Variants in STIM2 observed in about 807,000 individuals in gnomAD.
STIM2 encodes the protein stromal interaction molecule 2.
A neutral mutation model predicts 85.8 loss-of-function variants in STIM2; 31 were observed. The observed-to-expected ratio is 0.36, with a 90% CI of 0.27 to 0.49. The LOEUF (loss-of-function observed/expected upper bound fraction) is 0.49. Among genes scored for constraint, STIM2 ranks in the 20% least tolerant of loss-of-function variants. The pLI, the probability that STIM2 is intolerant of heterozygous loss-of-function variation, is 0.98. For missense variants in STIM2, 841 were observed against 927.6 expected, an observed-to-expected ratio of 0.91 and a Z score of 1.21; for synonymous variants, 356 against 331.1, an observed-to-expected ratio of 1.08 and a Z score of -0.82.
At chr4:26,863,891 A>G (rs1306834027) in intron 1 of STIM2, among the ~76,000 whole-genome samples, 1 of 152,078 alleles carries the variant, frequency 6.6e-6, no homozygotes, top group Non-Finnish European at 1.5e-5. Context: ...TCTTCTCGAG[A>G]TTGGCATTTT....
chr4:26,872,643 T>C (rs1722667748), intron 1 of STIM2, among the ~76,000 whole-genome samples: 1 of 152,214 alleles, frequency 6.6e-6, no homozygotes, highest in South Asian at 2.1e-4. Flanking sequence ...ATGCCAAGTA[T>C]ATTACAAGCA....
intron 1 of STIM2, among the ~76,000 whole-genome samples, chr4:26,894,933 C>T (rs912090035): frequency 2.6e-5 from 4 of 152,184 alleles, no homozygotes; most frequent in South Asian, 2.1e-4. Flanking sequence ...TATTTCTGGC[C>T]GGGTGCGGTG....
chr4:26,871,171 G>T (rs1364886005), intron 1 of STIM2, among the ~76,000 whole-genome samples: 2 of 152,100 alleles, frequency 1.3e-5, no homozygotes, highest in African/African-American at 4.8e-5. Flanking sequence ...CAGGCATTTT[G>T]TATGTTTCAT....
At chr4:26,902,936 T>C (rs1024091836) in intron 1 of STIM2, among the ~76,000 whole-genome samples, 1 of 152,154 alleles carries the variant, frequency 6.6e-6, no homozygotes, top group Admixed American at 6.6e-5. Flanking sequence ...TAATCATTCA[T>C]AAATTTAGTT....
chr4:26,928,954 A>G (rs1725098024), intron 2 of STIM2, among the ~76,000 whole-genome samples: 1 of 152,200 alleles, frequency 6.6e-6, no homozygotes, highest in Non-Finnish European at 1.5e-5. Context: ...ACATGCCTTT[A>G]TATTTTACTA....
At chr4:26,968,013 T>G (rs1381545442) in intron 3 of STIM2, among the ~76,000 whole-genome samples, 4 of 151,948 alleles carry the variant, frequency 2.6e-5, no homozygotes, top group African/African-American at 9.7e-5. Context: ...CAACAAAAAA[T>G]GAAAAAAATT....
At chr4:26,871,608 TG>T (rs1317043759) in intron 1 of STIM2, among the ~76,000 whole-genome samples, 1 of 152,234 alleles carries the variant, frequency 6.6e-6, no homozygotes, top group African/African-American at 2.4e-5. Context: ...GTTTGTGCTT[TG>T]TTTTCATAAA....
At chr4:27,003,230 C>G (rs1577491065) in intron 7 of STIM2, 126 bp downstream of exon 7, 2 of 870,864 alleles carry the variant, frequency 2.3e-6, no homozygotes, top group East Asian at 6.4e-5. Context: ...ATAAAAGACT[C>G]ATTTGTTTAT....
At chr4:26,968,368 G>A (rs930986594) in intron 3 of STIM2, among the ~76,000 whole-genome samples, 3 of 152,064 alleles carry the variant, frequency 2.0e-5, no homozygotes, top group Non-Finnish European at 2.9e-5. Context: ...TCTGACATAC[G>A]CACAACATGG....
At chr4:26,933,927 C>A (rs1200061182) in intron 2 of STIM2, among the ~76,000 whole-genome samples, 1 of 152,126 alleles carries the variant, frequency 6.6e-6, no homozygotes, top group Non-Finnish European at 1.5e-5. Context: ...GGTGCATTGG[C>A]TCACGCCTGT....
chr4:26,927,859 T>TTATATAATA (rs1725028541), intron 2 of STIM2, among the ~76,000 whole-genome samples: 1 of 134,976 alleles, frequency 7.4e-6, no homozygotes, highest in Non-Finnish European at 1.5e-5. Flanking sequence ...AATATATAAT[T>TTATATAATA]ATTATATAAA....
intron 3 of STIM2, among the ~76,000 whole-genome samples, chr4:26,991,155 C>T (rs1211289274): frequency 1.3e-5 from 2 of 152,014 alleles, no homozygotes; most frequent in Non-Finnish European, 2.9e-5. Context: ...GCACTATTCA[C>T]AATAGGCAAG....
intron 2 of STIM2, among the ~76,000 whole-genome samples, chr4:26,934,913 CAAAAAA>C (rs1160656482): frequency 8.7e-5 from 5 of 57,606 alleles, no homozygotes; most frequent in African/African-American, 2.5e-4. Context: ...AACTCCATCT[CAAAAAA>C]AAAAAAAAAA....
chr4:26,953,634 C>T (rs759296051), intron 2 of STIM2, among the ~76,000 whole-genome samples: 1 of 151,914 alleles, frequency 6.6e-6, no homozygotes, highest in Non-Finnish European at 1.5e-5. Flanking sequence ...AAAAATTGTG[C>T]AAAACAGGCC....
chr4:26,929,969 A>G (rs1725145069), intron 2 of STIM2, among the ~76,000 whole-genome samples: 1 of 152,186 alleles, frequency 6.6e-6, no homozygotes, highest in South Asian at 2.1e-4. Flanking sequence ...TTGGACAAAT[A>G]AGAGAATAAA....
At chr4:26,947,733 A>G (rs1465386559) in intron 2 of STIM2, among the ~76,000 whole-genome samples, 1 of 152,180 alleles carries the variant, frequency 6.6e-6, no homozygotes, top group Non-Finnish European at 1.5e-5. Flanking sequence ...CTGCTTTGGC[A>G]CTGCCCCACG....
Position 26,861,189 on chromosome 4 carries a change from T to G in STIM2, c.-30T>G. ...CTCGACTCCTGGCCCAGCGTGGGGC[T>G]GGCTGCTGCGGCGGCGGCGCTGGGC... On this transcript the variant is annotated 5_prime_UTR_variant, in exon 1 of 12. Coordinates refer to ENST00000467087, the MANE Select transcript of STIM2 (RefSeq NM_020860.4). The G allele has an allele frequency of 6.9e-7, 1 of 1,442,898 alleles. No homozygotes were observed. Among genetic ancestry groups the G allele is most frequent in the Non-Finnish European group, 9.1e-7 (1 of 1,097,284 alleles). The allele number at this position is 1,442,898 out of a possible 1,614,324, so 89.4% of individuals were successfully genotyped here.
At chr4:26,998,500 A>G (rs769659191) in intron 4 of STIM2, among the ~76,000 whole-genome samples, 1 of 152,180 alleles carries the variant, frequency 6.6e-6, no homozygotes, top group Non-Finnish European at 1.5e-5. Context: ...ATATGATCTA[A>G]ATTGAAAACT....
At chr4:26,949,833 A>AT (rs1311703281) in intron 2 of STIM2, among the ~76,000 whole-genome samples, 6 of 151,890 alleles carry the variant, frequency 4.0e-5, no homozygotes, top group African/African-American at 1.5e-4. Flanking sequence ...ACTGCTTGTG[A>AT]TTTTTCTCCT....
Sources: allele counts gnomAD v4.1 joint callset (sites outside exome capture counted in the v4.1 genomes callset), GRCh38; gene constraint gnomAD v4.1.1; transcripts MANE v1.5; gene names NCBI Gene and HGNC (gene_info 2026-07-23, HGNC 2026-07-21).